CHCHD3: variants seen among roughly 807,000 people sequenced by gnomAD.
CHCHD3 encodes MICOS complex subunit MIC19.
A neutral mutation model predicts 38.2 loss-of-function variants in CHCHD3; 20 were observed. That is an observed-to-expected ratio of 0.52 (90% CI 0.37 to 0.76). The LOEUF is 0.76. Ranked by LOEUF, CHCHD3 falls within the 30% of genes least tolerant of loss-of-function variation. The pLI is 0.00. For missense variants in CHCHD3, 245 were observed against 279.2 expected, an observed-to-expected ratio of 0.88 and a Z score of 0.87; for synonymous variants, 82 against 100.0, an observed-to-expected ratio of 0.82 and a Z score of 1.07.
At chr7:132,867,191 T>C (rs1214385845) in intron 5 of CHCHD3, among the ~76,000 whole-genome samples, 1 of 152,140 alleles carries the variant, frequency 6.6e-6, no homozygotes, top group Non-Finnish European at 1.5e-5. Flanking sequence ...GAACCTAAAA[T>C]GGAGCTTGCC....
intron 1 of CHCHD3, among the ~76,000 whole-genome samples, chr7:133,077,565 C>T (rs907399538): frequency 1.3e-5 from 2 of 152,238 alleles, no homozygotes; most frequent in Non-Finnish European, 2.9e-5. Flanking sequence ...TTGAAGTTGA[C>T]ATTTGCTCCA....
At chr7:132,857,620 C>T (rs1190883040) in intron 5 of CHCHD3, among the ~76,000 whole-genome samples, 4 of 151,974 alleles carry the variant, frequency 2.6e-5, no homozygotes, top group Non-Finnish European at 5.9e-5. Flanking sequence ...GTTGGCCAGG[C>T]TGGTCTCAAA....
At chr7:133,033,486 T>C (rs1813560342) in intron 2 of CHCHD3, among the ~76,000 whole-genome samples, 1 of 152,142 alleles carries the variant, frequency 6.6e-6, no homozygotes, top group African/African-American at 2.4e-5. Flanking sequence ...TCAAACACTT[T>C]CTAAAGTGGT....
chr7:132,912,611 G>C (rs2117222096), intron 4 of CHCHD3, among the ~76,000 whole-genome samples: 1 of 152,262 alleles, frequency 6.6e-6, no homozygotes, highest in East Asian at 1.9e-4. Context: ...CTGGAGTGCA[G>C]TGGCATGATC....
intron 6 of CHCHD3, among the ~76,000 whole-genome samples, chr7:132,799,024 T>A (rs1806696974): frequency 1.3e-5 from 1 of 76,266 alleles, no homozygotes; most frequent in South Asian, 5.2e-4. Context: ...TGTGTGTGTG[T>A]GTGTGTGTGT....
chr7:133,032,038 A>T (rs1163614270), intron 2 of CHCHD3, among the ~76,000 whole-genome samples: 1 of 152,228 alleles, frequency 6.6e-6, no homozygotes, highest in Non-Finnish European at 1.5e-5. Flanking sequence ...AGCATAGGTT[A>T]CAGGATAAAT....
chr7:132,962,953 T>C (rs1027345881), intron 4 of CHCHD3, among the ~76,000 whole-genome samples: 8 of 152,092 alleles, frequency 5.3e-5, no homozygotes, highest in Non-Finnish European at 1.2e-4. Context: ...ACAGTTGCTA[T>C]AAAGAATATT....
Position 132,860,498 on chromosome 7 carries a change from A to T in CHCHD3, c.454-22029T>A, listed in dbSNP as rs529929071. Among the ~76,000 whole-genome samples, 104 of 152,324 alleles carry T rather than the reference A, an allele frequency of 6.8e-4. 2 individuals carry two copies. The South Asian group carries it at 0.02, about 30-fold the overall frequency. On this transcript the variant is annotated intron_variant, in intron 5 of 7. Coordinates refer to ENST00000262570, the MANE Select transcript of CHCHD3 (RefSeq NM_017812.4). ...CATCTTATATCCAGTCCAGCACATCAGACAATCCCCATGTTCAGGCCTTAT... is the reference window on the plus strand; with the variant it reads ...CATCTTATATCCAGTCCAGCACATCTGACAATCCCCATGTTCAGGCCTTAT...
intron 3 of CHCHD3, among the ~76,000 whole-genome samples, chr7:133,022,753 A>C (rs1031138597): frequency 2.6e-5 from 4 of 151,998 alleles, no homozygotes; most frequent in African/African-American, 9.7e-5. Flanking sequence ...ATTCCACCTG[A>C]GATATGAAAT....
intron 3 of CHCHD3, among the ~76,000 whole-genome samples, chr7:133,014,703 G>A (rs1290295409): frequency 6.6e-6 from 1 of 151,140 alleles, no homozygotes; most frequent in Admixed American, 6.6e-5. Flanking sequence ...TGAATATAGA[G>A]AGAAACGTAA....
chr7:132,789,566 A>T (rs1806407570), intron 7 of CHCHD3, among the ~76,000 whole-genome samples: 1 of 152,216 alleles, frequency 6.6e-6, no homozygotes. Flanking sequence ...TCTGTTAAGC[A>T]GTAATCTCAT....
chr7:132,866,979 G>A (rs567327833), intron 5 of CHCHD3, among the ~76,000 whole-genome samples: 7 of 152,182 alleles, frequency 4.6e-5, no homozygotes, highest in South Asian at 2.1e-4. Flanking sequence ...CGGAGGCCTC[G>A]CTATCCAAAA....
At chr7:132,796,195 G>T (rs10250243) in intron 7 of CHCHD3, among the ~76,000 whole-genome samples, 141 of 152,262 alleles carry the variant, frequency 9.3e-4, no homozygotes, top group African/African-American at 3.2e-3. Context: ...GTGGAAAAAA[G>T]TATAATTGTA....
chr7:132,979,053 TG>T, intron 3 of CHCHD3, among the ~76,000 whole-genome samples: 1 of 152,362 alleles, frequency 6.6e-6, no homozygotes, highest in East Asian at 1.9e-4. Flanking sequence ...ACAACTTAGC[TG>T]TACAATCTAA....
intron 4 of CHCHD3, among the ~76,000 whole-genome samples, chr7:132,903,233 T>C (rs1327047478): frequency 2.0e-5 from 3 of 152,320 alleles, no homozygotes; most frequent in South Asian, 2.1e-4. Context: ...TGTTAAAGCA[T>C]CTCTAGATTA....
In CHCHD3 at chr7:132,907,667, TG is replaced by T. The variant is rs573762808; in HGVS notation, c.370-21923del. 5.3e-5 allele frequency among the ~76,000 whole-genome samples: 8 copies of T among 152,162 alleles called. No homozygotes were observed. The South Asian group carries it at 8.3e-4, about 16-fold the overall frequency. On this transcript the variant is annotated intron_variant, in intron 4 of 7. Coordinates refer to ENST00000262570, the MANE Select transcript of CHCHD3 (RefSeq NM_017812.4). Reference sequence around the variant, plus strand: ...GGTCTGGACTTCATCCTGTAGGCCATGGGGGGGCCGCTAAAGGTTTTTGAGC... The same window carrying T: ...GGTCTGGACTTCATCCTGTAGGCCATGGGGGGCCGCTAAAGGTTTTTGAGC...
chr7:132,844,879 T>C (rs1808035920), intron 5 of CHCHD3, among the ~76,000 whole-genome samples: 1 of 152,232 alleles, frequency 6.6e-6, no homozygotes, highest in African/African-American at 2.4e-5. Flanking sequence ...TTGGAAACAA[T>C]AGGTATTTTG....
At chr7:132,990,639 C>T (rs1368680436) in intron 3 of CHCHD3, among the ~76,000 whole-genome samples, 1 of 152,164 alleles carries the variant, frequency 6.6e-6, no homozygotes, top group South Asian at 2.1e-4. Context: ...GTAGACAAAA[C>T]ATACATCATT....
intron 6 of CHCHD3, among the ~76,000 whole-genome samples, chr7:132,818,007 A>T (rs1171573942): frequency 6.6e-6 from 1 of 152,196 alleles, no homozygotes; most frequent in Non-Finnish European, 1.5e-5. Context: ...TTGGGAGTGT[A>T]TTATATTGCT....
Sources: allele counts gnomAD v4.1 joint callset (sites outside exome capture counted in the v4.1 genomes callset), GRCh38; gene constraint gnomAD v4.1.1; transcripts MANE v1.5; gene names NCBI Gene and HGNC (gene_info 2026-07-23, HGNC 2026-07-21).